The following RBFOX3 variants were observed in gnomAD, a reference collection of about 807,000 sequenced individuals.
The protein encoded by RBFOX3 is RNA binding fox-1 homolog 3.
Under a neutral mutation model 48.7 loss-of-function variants are expected in RBFOX3, and 17 were observed. The ratio of observed to expected loss-of-function variants is 0.35; its 90% CI spans 0.24 to 0.52. RBFOX3 has a LOEUF of 0.52. Among genes scored for constraint, RBFOX3 ranks in the 20% least tolerant of loss-of-function variants. The probability of loss-of-function intolerance (pLI) is 0.94; values close to 1 mark genes in which losing one functional copy is unlikely to be tolerated. For missense variants in RBFOX3, 382 were observed against 497.5 expected (o/e 0.77, Z 2.21); for synonymous variants, 212 against 209.5 (o/e 1.01, Z -0.10).
intron 1 of RBFOX3, among the ~76,000 whole-genome samples, chr17:79,487,894 A>T (rs1025021074): frequency 2.7e-4 from 27 of 101,466 alleles, no homozygotes; most frequent in African/African-American, 8.7e-4. Flanking sequence ...CCTGGGTGAC[A>T]GAGCAAGACC....
intron 4 of RBFOX3, among the ~76,000 whole-genome samples, chr17:79,139,068 C>CCA (rs1176404281): frequency 6.6e-6 from 1 of 150,940 alleles, no homozygotes; most frequent in African/African-American, 2.4e-5. Context: ...CACCCCTCAC[C>CCA]CACACACACA....
rs550885275 is a variant in RBFOX3 at position 79,433,085 on chromosome 17, G to A, written c.-175+49369C>T. On this transcript the variant is annotated intron_variant, in intron 2 of 14. Coordinates refer to ENST00000693108, the MANE Select transcript of RBFOX3 (RefSeq NM_001350451.2). ...GTTGGTGTGGTTGGCAAGCTTGCCTGTGTCACCACCAACACCAATGGGACA... is the reference window on the plus strand; with the variant it reads ...GTTGGTGTGGTTGGCAAGCTTGCCTATGTCACCACCAACACCAATGGGACA... Among the ~76,000 whole-genome samples the A allele has an allele frequency of 1.8e-3, 269 of 152,288 alleles. 1 individual carries two copies. The highest frequency in any genetic ancestry group is 6.1e-3 in the African/African-American group (253 of 41,558).
At chr17:79,487,146 G>A (rs1188777978) in intron 1 of RBFOX3, among the ~76,000 whole-genome samples, 11 of 152,204 alleles carry the variant, frequency 7.2e-5, no homozygotes, top group African/African-American at 2.7e-4. Context: ...GCCTGGACAG[G>A]GGAAGATTGA....
chr17:79,368,456 C>T (rs2058087327), intron 2 of RBFOX3, among the ~76,000 whole-genome samples: 1 of 152,230 alleles, frequency 6.6e-6, no homozygotes, highest in South Asian at 2.1e-4. Flanking sequence ...CTAGGACGCC[C>T]GCATTTGCAG....
At chr17:79,539,982 C>T (rs1209962116) in intron 1 of RBFOX3, among the ~76,000 whole-genome samples, 1 of 152,158 alleles carries the variant, frequency 6.6e-6, no homozygotes, top group Non-Finnish European at 1.5e-5. Context: ...GATTTCATTG[C>T]ATGTCCTGTG....
intron 1 of RBFOX3, among the ~76,000 whole-genome samples, chr17:79,484,520 GGGGGCCTGGGTGCA>G (rs1476989712): frequency 0.13 from 5,920 of 47,038 alleles, 690 homozygotes; most frequent in East Asian, 0.36. Flanking sequence ...CCTGGGTGCA[GGGGGCCTGGGTGCA>G]GGGGCCTGGG....
Position 79,477,257 on chromosome 17 carries a change from T to TAA in RBFOX3, c.-175+5195_-175+5196dup, listed in dbSNP as rs138984353. On this transcript the variant is annotated intron_variant, in intron 2 of 14. Transcript: ENST00000693108. The surrounding 1 kb of genome is among the most constrained non-coding windows in gnomAD (Gnocchi z 4.8). ...CAAAAAAAAATAAATAAAGATAAAT[T>TAA]AAAAAAAAAAAAAAAAAAAGAGGGC... Among the ~76,000 whole-genome samples the TAA allele has an allele frequency of 1.9e-3, 220 of 113,310 alleles. 3 individuals carry two copies. The highest frequency in any genetic ancestry group is 3.7e-3 in the African/African-American group (107 of 28,596). The allele number at this position is 113,310 out of a possible 152,430, so 74.3% of individuals were successfully genotyped here.
intron 2 of RBFOX3, among the ~76,000 whole-genome samples, chr17:79,406,839 G>A (rs551751338): frequency 2.0e-4 from 30 of 152,318 alleles, no homozygotes; most frequent in African/African-American, 6.5e-4. Context: ...AGGACCTGGG[G>A]GGACAATATT....
At chr17:79,372,434 A>AC (rs1436996191) in intron 2 of RBFOX3, among the ~76,000 whole-genome samples, 2 of 119,680 alleles carry the variant, frequency 1.7e-5, no homozygotes, top group Non-Finnish European at 3.4e-5. Context: ...CAGTCTTATG[A>AC]CCCCCCAGTT....
chr17:79,650,209 G>A, the RBFOX3 span, among the ~76,000 whole-genome samples: 7 of 152,226 alleles, frequency 4.6e-5, no homozygotes, highest in South Asian at 2.1e-4. Context: ...GGGGGGATTC[G>A]ATTTTTCCAC....
the RBFOX3 span, among the ~76,000 whole-genome samples, chr17:79,656,790 GAAAGAAAGAAAGAAAGA>G: frequency 0.057 from 70 of 1,232 alleles, 2 homozygotes; most frequent in South Asian, 0.34. Context: ...AAGAAAGAAA[GAAAGAAAGAAAGAAAGA>G]AAAGAAAGAG....
intron 5 of RBFOX3, among the ~76,000 whole-genome samples, chr17:79,108,851 C>G (rs928908827): frequency 6.6e-6 from 1 of 152,226 alleles, no homozygotes; most frequent in African/African-American, 2.4e-5. Context: ...TCCCTGGCGA[C>G]AGCCCCTGGC....
At chr17:79,138,078 G>A (rs1416389980) in intron 4 of RBFOX3, among the ~76,000 whole-genome samples, 1 of 152,126 alleles carries the variant, frequency 6.6e-6, no homozygotes, top group African/African-American at 2.4e-5. Context: ...CCACTCACGC[G>A]GACAAGGCAC....
Position 79,242,223 on chromosome 17 carries a change from G to A in RBFOX3, c.-73-6418C>T, listed in dbSNP as rs1275845969. On this transcript the variant is annotated intron_variant, in intron 3 of 14. Coordinates refer to ENST00000693108, the MANE Select transcript of RBFOX3 (RefSeq NM_001350451.2). This position sits in a 1 kb window ranked among gnomAD's most constrained non-coding sequence, Gnocchi z 5.8. ...GCTGGTGGAGGGGGTGCTACCTGAG[G>A]AGCCCCGGGGTGGGGGGCAGGCCGT... Among the ~76,000 whole-genome samples, 1 of 152,062 alleles carries A rather than the reference G, an allele frequency of 6.6e-6. No homozygotes were observed. Among genetic ancestry groups the A allele is most frequent in the Non-Finnish European group, 1.5e-5 (1 of 68,020 alleles).
At chr17:79,439,553 C>T (rs550645034) in intron 2 of RBFOX3, among the ~76,000 whole-genome samples, 1 of 152,364 alleles carries the variant, frequency 6.6e-6, no homozygotes, top group Admixed American at 6.5e-5. Flanking sequence ...CATACACACA[C>T]ATTCACATAC....
intron 2 of RBFOX3, among the ~76,000 whole-genome samples, chr17:79,331,870 G>A (rs370186666): frequency 2.2e-4 from 33 of 152,344 alleles, no homozygotes; most frequent in South Asian, 1.7e-3. Context: ...CTGGAAGCAC[G>A]GAGGGTCCCG....
intron 2 of RBFOX3, among the ~76,000 whole-genome samples, chr17:79,344,897 C>T (rs1240916766): frequency 6.6e-6 from 1 of 152,176 alleles, no homozygotes; most frequent in African/African-American, 2.4e-5. Flanking sequence ...CCTCTGTCCA[C>T]ACCACTTCAT....
At chr17:79,495,834 A>G (rs1303904049) in intron 1 of RBFOX3, among the ~76,000 whole-genome samples, 1 of 151,236 alleles carries the variant, frequency 6.6e-6, no homozygotes, top group African/African-American at 2.4e-5. Flanking sequence ...TTGGGGGTGT[A>G]GGCGGTGGAC....
At chr17:79,170,038 G>A (rs1007753633) in intron 4 of RBFOX3, among the ~76,000 whole-genome samples, 3 of 142,428 alleles carry the variant, frequency 2.1e-5, no homozygotes, top group African/African-American at 8.3e-5. Flanking sequence ...AGGAGAGAAG[G>A]AAGGAGAAGA....
Sources: gnomAD v4.1 joint callset for allele counts (sites outside exome capture counted in the v4.1 genomes callset) on GRCh38, gnomAD v4.1.1 for gene constraint, Gnocchi (gnomAD v3.1) non-coding constraint, MANE v1.5 for transcripts, NCBI Gene and HGNC (gene_info 2026-07-23, HGNC 2026-07-21) for gene names.